The following BPI variants were observed in gnomAD, a reference collection of about 807,000 sequenced individuals.
The protein encoded by BPI is bactericidal permeability increasing protein.
A neutral mutation model predicts 57.6 loss-of-function variants in BPI; 48 were observed. The observed-to-expected ratio is 0.83, with a 90% CI of 0.66 to 1.06. The LOEUF (loss-of-function observed/expected upper bound fraction) is 1.06, where lower values mean the gene tolerates loss of function less well. Ranked by LOEUF, BPI falls within the 50% of genes least tolerant of loss-of-function variation. The pLI, the probability that BPI is intolerant of heterozygous loss-of-function variation, is 0.00. For missense variants in BPI, 651 were observed against 609.7 expected (o/e 1.07, Z -0.71); for synonymous variants, 237 against 238.2 (o/e 0.99, Z 0.05).
chr20:38,324,889 C>A, intron 9 of BPI, 56 bp downstream of exon 9: 2 of 1,432,430 alleles, frequency 1.4e-6, no homozygotes, highest in Non-Finnish European at 2.0e-6. Context: ...GAGGACAGGG[C>A]TTTGCTGAGT....
intron 2 of BPI, 79 bp downstream of exon 2, chr20:38,307,760 C>A (rs2076603845): frequency 8.6e-7 from 1 of 1,162,740 alleles, no homozygotes; most frequent in South Asian, 1.4e-5. Context: ...AATGCAGAGC[C>A]ACAAACTCCT....
intron 11 of BPI, among the ~76,000 whole-genome samples, chr20:38,329,615 C>G (rs2076732341): frequency 6.6e-6 from 1 of 152,214 alleles, no homozygotes; most frequent in African/African-American, 2.4e-5. Flanking sequence ...CCTGGGGCTA[C>G]TGACTCTTGA....
At chr20:38,310,358 C>A in intron 3 of BPI, 133 bp from the exon 4 acceptor site, 1 of 1,093,630 alleles carries the variant, frequency 9.1e-7, no homozygotes, top group Non-Finnish European at 1.3e-6. Flanking sequence ...GGGCAAGCTG[C>A]CTCTTCTCTC....
In BPI at chr20:38,326,411, T is replaced by C; in HGVS notation, c.1140T>C (p.Ala380=). Residue 380 remains alanine, a synonymous_variant, in exon 10 of 15, where the codon GCT becomes GCC. Transcript: ENST00000642449. ...AFAVLPNSSL[A]SLFLIGMHTT... Reference sequence around the variant, plus strand: ...CCGTCCTCCCCAACTCCTCCCTGGCTTCCCTCTTCCTGATTGGCATGGTAA... The same window carrying C: ...CCGTCCTCCCCAACTCCTCCCTGGCCTCCCTCTTCCTGATTGGCATGGTAA... 6.2e-7 allele frequency: 1 copy of C among 1,613,910 alleles called. No individual in the cohort carries two copies. The highest frequency in any genetic ancestry group is 8.5e-7 in the Non-Finnish European group (1 of 1,179,928).
At chr20:38,307,482 G>A (rs1206257122) in intron 1 of BPI, 85 bp from the exon 2 acceptor site, 1 of 955,388 alleles carries the variant, frequency 1.0e-6, no homozygotes, top group African/African-American at 1.7e-5. Context: ...TACGAACAGG[G>A]GCCCAGGGTC....
rs1381297718 is a variant in BPI, at chr20:38,308,926, G to T, written c.246-4G>T. The T allele has an allele frequency of 3.7e-6, 6 of 1,613,988 alleles. No homozygotes were observed. Among genetic ancestry groups the T allele is most frequent in the Non-Finnish European group, 5.1e-6 (6 of 1,179,990 alleles). On this transcript the variant is annotated splice_polypyrimidine_tract_variant and splice_region_variant and intron_variant, in intron 2 of 14. Transcript: ENST00000642449. ...TATATGACATTCACATTTCTCCTTTGCAGCATGGACATCCGTGAATTCCAG... is the reference window on the plus strand; with the variant it reads ...TATATGACATTCACATTTCTCCTTTTCAGCATGGACATCCGTGAATTCCAG...
At chr20:38,308,582 G>T (rs1371615256) in intron 2 of BPI, among the ~76,000 whole-genome samples, 1 of 152,176 alleles carries the variant, frequency 6.6e-6, no homozygotes, top group Non-Finnish European at 1.5e-5. Context: ...CAGTGAAAGG[G>T]CCTTCTATTT....
chr20:38,304,359 T>C lies in BPI; in HGVS notation c.130+6T>C, dbSNP rs374233390. On this transcript the variant is annotated splice_donor_region_variant and intron_variant, in intron 1 of 14. Transcript: ENST00000642449. ...CCAGAAGGGCCTGGACTACGGTAAC[T>C]GGATGCCTCCCTTCCCTCCTCTCCA... 1.9e-6 allele frequency: 3 copies of C among 1,612,428 alleles called. No homozygotes were observed. The highest frequency in any genetic ancestry group is 1.3e-5 in the African/African-American group (1 of 74,904).
At chr20:38,304,467 G>A in intron 1 of BPI, 114 bp downstream of exon 1, 1 of 1,379,100 alleles carries the variant, frequency 7.3e-7, no homozygotes, top group African/African-American at 1.5e-5. Context: ...CCTCAGGGCA[G>A]GTCCCCTTGC....
At chr20:38,337,049 A>C in intron 14 of BPI, 97 bp from the exon 15 acceptor site, 1 of 1,277,478 alleles carries the variant, frequency 7.8e-7, no homozygotes, top group Non-Finnish European at 1.1e-6. Flanking sequence ...CCTAAGAGGC[A>C]GGCTCCCAAA....
At chr20:38,330,748 A>C (rs2076738126) in intron 11 of BPI, among the ~76,000 whole-genome samples, 1 of 152,226 alleles carries the variant, frequency 6.6e-6, no homozygotes, top group South Asian at 2.1e-4. Context: ...ACTGACTTTC[A>C]TTGGGCCAGC....
chr20:38,337,315 T>C lies in BPI; in HGVS notation c.*131T>C. On this transcript the variant is annotated 3_prime_UTR_variant, in exon 15 of 15. Coordinates refer to ENST00000642449, the MANE Select transcript of BPI (RefSeq NM_001725.3). ...CCCTTGCAAACTTCTTCGACTCAGATTCAGAAATGATCTAAACACGAGGAA... is the reference window on the plus strand; with the variant it reads ...CCCTTGCAAACTTCTTCGACTCAGACTCAGAAATGATCTAAACACGAGGAA... 1 of 731,492 alleles carries C rather than the reference T, an allele frequency of 1.4e-6. No individual in the cohort carries two copies. The highest frequency in any genetic ancestry group is 2.2e-6 in the Non-Finnish European group (1 of 449,460). 45.3% of individuals were successfully genotyped at this position (731,492 alleles called of 1,614,324 possible).
At chr20:38,319,272 G>T (rs2076668976) in intron 6 of BPI, among the ~76,000 whole-genome samples, 1 of 152,064 alleles carries the variant, frequency 6.6e-6, no homozygotes, top group African/African-American at 2.4e-5. Flanking sequence ...AACACATGAG[G>T]AACCTGAGGC....
intron 7 of BPI, among the ~76,000 whole-genome samples, chr20:38,321,141 GTGGA>G (rs368875561): frequency 0.067 from 5,350 of 79,702 alleles, 246 homozygotes; most frequent in African/African-American, 0.088. Context: ...GGGTGTATTG[GTGGA>G]TGGATGGATG....
chr20:38,331,133 G>T (rs2076740431), intron 12 of BPI, 43 bp downstream of exon 12: 1 of 1,596,702 alleles, frequency 6.3e-7, no homozygotes, highest in Non-Finnish European at 8.6e-7. Flanking sequence ...CTTCTGACCT[G>T]GCGGCGGGGA....
chr20:38,309,706 G>A (rs530726059), intron 3 of BPI, among the ~76,000 whole-genome samples: 1 of 152,340 alleles, frequency 6.6e-6, no homozygotes, highest in South Asian at 2.1e-4. Flanking sequence ...GCAGGGCAGG[G>A]TGAAAAATAG....
chr20:38,335,779 C>G, intron 14 of BPI, 105 bp downstream of exon 14: 3 of 1,137,968 alleles, frequency 2.6e-6, no homozygotes, highest in Non-Finnish European at 3.9e-6. Flanking sequence ...GAAGCGCCTT[C>G]TACCCTTACA....
intron 5 of BPI, among the ~76,000 whole-genome samples, chr20:38,315,835 CT>C (rs374398594): frequency 0.37 from 48,605 of 131,856 alleles, 9,055 homozygotes; most frequent in Middle Eastern, 0.48. Flanking sequence ...CTTTTCTTTT[CT>C]TTTTTTTTTT....
chr20:38,322,236 G>A (rs1217333106), intron 7 of BPI, among the ~76,000 whole-genome samples: 2 of 151,990 alleles, frequency 1.3e-5, no homozygotes, highest in East Asian at 1.9e-4. Flanking sequence ...CCTTGCAATC[G>A]TGTCTCTGTC....
Sources: gnomAD v4.1 joint callset for allele counts (sites outside exome capture counted in the v4.1 genomes callset) on GRCh38, gnomAD v4.1.1 for gene constraint, MANE v1.5 for transcripts, NCBI Gene and HGNC (gene_info 2026-07-23, HGNC 2026-07-21) for gene names.